DUSP13B: variants seen among roughly 807,000 people sequenced by gnomAD.
DUSP13B encodes the protein dual specificity protein phosphatase 13B.
At chr10:75,100,609 G>A in the DUSP13B span, among the ~76,000 whole-genome samples, 17 of 152,146 alleles carry the variant, frequency 1.1e-4, no homozygotes, top group East Asian at 1.9e-4. Context: ...GCCAGGGCCC[G>A]GCCGAGCTCC....
chr10:75,108,277 C>T, the DUSP13B span: 4 of 1,523,010 alleles, frequency 2.6e-6, no homozygotes, highest in South Asian at 3.8e-5. Context: ...CTGTGCCTGG[C>T]CCCCTGCTGC....
At chr10:75,101,126 A>G in the DUSP13B span, among the ~76,000 whole-genome samples, 540 of 152,228 alleles carry the variant, frequency 3.5e-3, 2 homozygotes, top group African/African-American at 0.012. Flanking sequence ...TGTGGCTGCC[A>G]GTGGGGAACA....
At chr10:75,108,384 T>C in the DUSP13B span, 1 of 1,243,582 alleles carries the variant, frequency 8.0e-7, no homozygotes, top group Non-Finnish European at 1.1e-6. Context: ...CCCCGCACTT[T>C]CTGGTGGCTG....
At chr10:75,107,600 G>C in the DUSP13B span, among the ~76,000 whole-genome samples, 5 of 152,114 alleles carry the variant, frequency 3.3e-5, no homozygotes, top group East Asian at 7.7e-4. Flanking sequence ...GGGGGGGGAT[G>C]GAGTTTCGCC....
the DUSP13B span, chr10:75,095,603 G>A: frequency 1.9e-6 from 3 of 1,614,050 alleles, no homozygotes; most frequent in South Asian, 3.3e-5. Context: ...CAGCTCGGAT[G>A]TATCGAGCAA....
At chr10:75,098,885 G>A in the DUSP13B span, 1 of 981,592 alleles carries the variant, frequency 1.0e-6, no homozygotes, top group Admixed American at 4.3e-5. Context: ...TGAGTAGCAA[G>A]GCTGGGGTTT....
the DUSP13B span, chr10:75,107,868 C>T: frequency 5.0e-6 from 6 of 1,206,010 alleles, no homozygotes; most frequent in Non-Finnish European, 6.9e-6. Context: ...TGAGCCACCA[C>T]ACACGGCCTA....
chr10:75,098,701 GC>G, the DUSP13B span, among the ~76,000 whole-genome samples: 1 of 152,318 alleles, frequency 6.6e-6, no homozygotes, highest in South Asian at 2.1e-4. Flanking sequence ...GGCAGAGGTT[GC>G]AGTGAGCTGA....
chr10:75,099,226 G>C, the DUSP13B span: 8 of 1,232,282 alleles, frequency 6.5e-6, no homozygotes, highest in Non-Finnish European at 8.1e-6. Flanking sequence ...CCAGTGACTA[G>C]GGAAGGTGCA....
chr10:75,107,819 C>T, the DUSP13B span, among the ~76,000 whole-genome samples: 1 of 152,142 alleles, frequency 6.6e-6, no homozygotes. Flanking sequence ...TCAGGCGATC[C>T]ACCCACCTCG....
At chr10:75,102,817 T>C in the DUSP13B span, among the ~76,000 whole-genome samples, 1,646 of 152,242 alleles carry the variant, frequency 0.011, 32 homozygotes, top group African/African-American at 0.037. Context: ...CTGGGCGTGG[T>C]GGCGCATGCC....
chr10:75,095,698 A>T, the DUSP13B span: 1 of 1,614,182 alleles, frequency 6.2e-7, no homozygotes, highest in Non-Finnish European at 8.5e-7. Flanking sequence ...CCACGGTAGA[A>T]TTTGGCACCT....
chr10:75,108,237 G>T, the DUSP13B span: 1 of 1,567,442 alleles, frequency 6.4e-7, no homozygotes, highest in South Asian at 1.2e-5. Flanking sequence ...GGCACTTGAT[G>T]CCGGCCAAGC....
At chr10:75,103,751 C>G in the DUSP13B span, 2 of 604,730 alleles carry the variant, frequency 3.3e-6, no homozygotes, top group African/African-American at 2.0e-5. Context: ...CTGAGGGGAG[C>G]TGCTGGAGAC....
At chr10:75,105,880 A>T in the DUSP13B span, 1 of 1,544,976 alleles carries the variant, frequency 6.5e-7, no homozygotes, top group Non-Finnish European at 8.8e-7. Flanking sequence ...TGAGGAAGAC[A>T]TCCTGGTGAA....
At chr10:75,105,831 G>A in the DUSP13B span, 1 of 1,550,690 alleles carries the variant, frequency 6.4e-7, no homozygotes, top group Non-Finnish European at 8.7e-7. Flanking sequence ...GCGTGGCAGA[G>A]CGGCTCACGC....
At chr10:75,099,036 C>T in the DUSP13B span, 76 of 1,232,446 alleles carry the variant, frequency 6.2e-5, no homozygotes, top group South Asian at 8.2e-5. Context: ...CTTACCCCCA[C>T]GACTCAGGCC....
At chr10:75,104,004 T>A in the DUSP13B span, 1 of 1,357,194 alleles carries the variant, frequency 7.4e-7, no homozygotes. Flanking sequence ...ATCTTCTGTG[T>A]GTCCGCCTGG....
the DUSP13B span, among the ~76,000 whole-genome samples, chr10:75,098,352 TC>T: frequency 6.6e-6 from 1 of 152,056 alleles, no homozygotes. Flanking sequence ...CAGACCCCCG[TC>T]CCCTCCCACT....
Sources: gnomAD v4.1 joint callset for allele counts (sites outside exome capture counted in the v4.1 genomes callset) on GRCh38, gnomAD v4.1.1 for gene constraint, MANE v1.5 for transcripts, NCBI Gene and HGNC (gene_info 2026-07-23, HGNC 2026-07-21) for gene names.